Variants in APLF observed in about 807,000 individuals in gnomAD.
APLF encodes the protein aprataxin and PNKP like factor.
In APLF, 61 loss-of-function variants were observed where a neutral mutation model predicts 55.6. That is an observed-to-expected ratio of 1.10 (90% CI 0.89 to 1.36). The LOEUF is 1.36. Ranked by LOEUF, APLF falls within the 40% of genes most tolerant of loss-of-function variation. The pLI is 0.00. For synonymous variants in APLF, 207 were observed against 214.8 expected, an observed-to-expected ratio of 0.96 and a Z score of 0.32; for missense variants, 611 against 602.5, an observed-to-expected ratio of 1.01 and a Z score of -0.15.
At chr2:68,554,213 A>T (rs1226067359) in intron 8 of APLF, among the ~76,000 whole-genome samples, 6 of 152,102 alleles carry the variant, frequency 3.9e-5, no homozygotes, top group Non-Finnish European at 7.4e-5. Context: ...GATATGGATC[A>T]TATATGTAAA....
At chr2:68,553,528 T>C (rs993999517) in intron 8 of APLF, among the ~76,000 whole-genome samples, 8 of 152,156 alleles carry the variant, frequency 5.3e-5, no homozygotes, top group African/African-American at 1.9e-4. Context: ...ATATGCCCAG[T>C]GTATCAGAAT....
chr2:68,513,343 T>C, intron 4 of APLF, 116 bp downstream of exon 4: 1 of 1,336,266 alleles, frequency 7.5e-7, no homozygotes, highest in Non-Finnish European at 1.0e-6. Context: ...TATCTACTTT[T>C]GCTGATTTTA....
intron 6 of APLF, among the ~76,000 whole-genome samples, chr2:68,531,591 A>G (rs763704209): frequency 6.6e-6 from 1 of 152,230 alleles, no homozygotes; most frequent in Admixed American, 6.5e-5. Flanking sequence ...AATGAAAACA[A>G]AATGTTTTCT....
chr2:68,511,144 A>G (rs1023441417), intron 3 of APLF, among the ~76,000 whole-genome samples: 1 of 151,756 alleles, frequency 6.6e-6, no homozygotes, highest in African/African-American at 2.4e-5. Flanking sequence ...TGGATAGTAC[A>G]CTTTAACAGG....
chr2:68,562,955 CTATTCTGTGAGT>C (rs1671207200), intron 8 of APLF: 2 of 459,664 alleles, frequency 4.4e-6, no homozygotes, highest in Non-Finnish European at 5.7e-6. Flanking sequence ...TAAAGTCCAT[CTATTCTGTGAGT>C]TCTGTTTACC....
At chr2:68,530,060 A>G (rs13420136) in intron 6 of APLF, among the ~76,000 whole-genome samples, 34,693 of 144,330 alleles carry the variant, frequency 0.24, 5,948 homozygotes, top group African/African-American at 0.54. Context: ...GACTGGATGC[A>G]CCTCTTACCA....
chr2:68,554,937 A>G (rs1488605770), intron 8 of APLF, among the ~76,000 whole-genome samples: 1 of 152,138 alleles, frequency 6.6e-6, no homozygotes. Context: ...CCAAAACACC[A>G]TGGTACTGGC....
chr2:68,544,648 T>G (rs1670649719), intron 7 of APLF, among the ~76,000 whole-genome samples: 1 of 151,994 alleles, frequency 6.6e-6, no homozygotes. Flanking sequence ...CTCTCTGGAG[T>G]TTTAATCTTT....
At position 68,525,742 on chromosome 2, in the gene APLF, CTT is replaced by C. The variant is rs386390398; in HGVS notation, c.623-295_623-294del. 7.2e-3 allele frequency among the ~76,000 whole-genome samples: 587 copies of C among 82,010 alleles called. 11 individuals are homozygous for C. The highest frequency in any genetic ancestry group is 0.032 in the African/African-American group (514 of 16,166). 53.8% of individuals were successfully genotyped at this position (82,010 alleles called of 152,430 possible). On this transcript the variant is annotated intron_variant, in intron 5 of 9. Transcript: ENST00000303795. Reference sequence around the variant, plus strand: ...TTTATCCTTTTTATTTTCTTTCTTTCTTTTTTTTTTTTTTTTTTTTTTTTTAA... The same window carrying C: ...TTTATCCTTTTTATTTTCTTTCTTTCTTTTTTTTTTTTTTTTTTTTTTTAA...
intron 2 of APLF, among the ~76,000 whole-genome samples, chr2:68,500,909 G>C (rs923575809): frequency 6.6e-6 from 1 of 152,210 alleles, no homozygotes; most frequent in Non-Finnish European, 1.5e-5. Context: ...CCAGAGGACA[G>C]CTTTGAGAGA....
intron 8 of APLF, among the ~76,000 whole-genome samples, chr2:68,557,939 A>C (rs1410555395): frequency 2.0e-5 from 3 of 152,032 alleles, no homozygotes; most frequent in African/African-American, 7.2e-5. Context: ...CAAAGTTGAT[A>C]GCACCTTAAT....
chr2:68,553,308 T>C (rs961898231), intron 8 of APLF, among the ~76,000 whole-genome samples: 9 of 152,118 alleles, frequency 5.9e-5, no homozygotes, highest in African/African-American at 1.9e-4. Flanking sequence ...CCTTACAAAC[T>C]GTCTGTTGTC....
At position 68,515,747 on chromosome 2, in the gene APLF, T is replaced by G; in HGVS notation, c.622+2067T>G. On this transcript the variant is annotated intron_variant, in intron 5 of 9. Transcript: ENST00000303795. ...AGTCTTTGGATTCAGGTAATCTTTT[T>G]ATAAACTAAGACCGTGGGAGAAGTA... 5 of 982,290 alleles carry G rather than the reference T, an allele frequency of 5.1e-6. No homozygotes were observed. In the South Asian group the frequency reaches 2.4e-4, roughly 46 times the overall value. The allele number at this position is 982,290 out of a possible 1,614,324, so 60.8% of individuals were successfully genotyped here.
At chr2:68,470,260 T>C (rs1050498122) in intron 1 of APLF, among the ~76,000 whole-genome samples, 7 of 152,196 alleles carry the variant, frequency 4.6e-5, no homozygotes, top group African/African-American at 1.4e-4. Context: ...ATTGCGAAAT[T>C]GCAAAATTTC....
chr2:68,552,427 A>G (rs1165364063), intron 8 of APLF, among the ~76,000 whole-genome samples: 1 of 152,156 alleles, frequency 6.6e-6, no homozygotes, highest in Non-Finnish European at 1.5e-5. Context: ...ATTGACAAAT[A>G]TCTTCAGGGA....
chr2:68,571,003 T>C (rs1227426001), intron 9 of APLF, among the ~76,000 whole-genome samples: 2 of 152,352 alleles, frequency 1.3e-5, no homozygotes, highest in Admixed American at 6.5e-5. Context: ...TGGTGTGAGA[T>C]GGTATCTCAT....
intron 8 of APLF, among the ~76,000 whole-genome samples, chr2:68,562,289 A>T (rs568733171): frequency 1.3e-5 from 2 of 152,172 alleles, no homozygotes; most frequent in East Asian, 3.9e-4. Flanking sequence ...TTGAAAACTT[A>T]TGTGTAAGCT....
At chr2:68,477,281 T>C (rs1675810465) in intron 1 of APLF, among the ~76,000 whole-genome samples, 1 of 152,214 alleles carries the variant, frequency 6.6e-6, no homozygotes, top group South Asian at 2.1e-4. Context: ...CGACAACGTG[T>C]GATGTGAATC....
intron 3 of APLF, among the ~76,000 whole-genome samples, chr2:68,504,196 A>G (rs1454260889): frequency 6.6e-6 from 1 of 152,040 alleles, no homozygotes; most frequent in African/African-American, 2.4e-5. Context: ...AGTATTTCCC[A>G]TAAGGATCTT....
Sources: gnomAD v4.1 joint callset for allele counts (sites outside exome capture counted in the v4.1 genomes callset) on GRCh38, gnomAD v4.1.1 for gene constraint, MANE v1.5 for transcripts, NCBI Gene and HGNC (gene_info 2026-07-23, HGNC 2026-07-21) for gene names.